Variants in MAP3K20 observed in about 807,000 individuals in gnomAD.
MAP3K20 encodes the protein HCCS-4.
In MAP3K20, 40 loss-of-function variants were observed where a neutral mutation model predicts 85.7. The ratio of observed to expected loss-of-function variants is 0.47; its 90% CI spans 0.36 to 0.61. The LOEUF (loss-of-function observed/expected upper bound fraction) is 0.61. MAP3K20 is among the 20% of genes least tolerant of loss of function. The pLI is 0.00. For synonymous variants in MAP3K20, 325 were observed against 327.7 expected (o/e 0.99, Z 0.09); for missense variants, 817 against 961.7 (o/e 0.85, Z 1.99).
chr2:173,149,731 C>G (rs75479134), intron 2 of MAP3K20, among the ~76,000 whole-genome samples: 4,094 of 152,198 alleles, frequency 0.027, 184 homozygotes, highest in African/African-American at 0.093. Flanking sequence ...TACGTCATCT[C>G]CGCGCATCCT....
intron 2 of MAP3K20, among the ~76,000 whole-genome samples, chr2:173,105,304 G>T (rs1292321384): frequency 9.9e-5 from 15 of 152,154 alleles, no homozygotes; most frequent in African/African-American, 3.6e-4. Context: ...GAGTTAACCA[G>T]ATTTGCTCAC....
At chr2:173,224,640 G>A in intron 11 of MAP3K20, 1 of 985,032 alleles carries the variant, frequency 1.0e-6, no homozygotes, top group Middle Eastern at 5.2e-4. Context: ...GCTTAAAATT[G>A]TTCTCCTCGT....
At chr2:173,223,676 T>C (rs1559288332) in intron 11 of MAP3K20, 2 of 985,400 alleles carry the variant, frequency 2.0e-6, no homozygotes, top group Non-Finnish European at 2.4e-6. Flanking sequence ...GAGGTGAGAC[T>C]AAACACAAAA....
rs573970431 is a variant in MAP3K20 at position 173,129,884 on chromosome 2, G to C, written c.159+38694G>C. Among the ~76,000 whole-genome samples, 6 of 152,250 alleles carry C rather than the reference G, an allele frequency of 3.9e-5. No individual in the cohort carries two copies. The South Asian group carries it at 1.2e-3, about 32-fold the overall frequency. On this transcript the variant is annotated intron_variant, in intron 2 of 19. Transcript: ENST00000375213. Reference sequence around the variant, plus strand: ...TACAAAAATAGAAAAAGGACATGAAGAGACATTTCACAAAAGGGTAGAGTA... The same window carrying C: ...TACAAAAATAGAAAAAGGACATGAACAGACATTTCACAAAAGGGTAGAGTA...
At chr2:173,224,674 C>T (rs1300997602) in intron 11 of MAP3K20, 1 of 985,106 alleles carries the variant, frequency 1.0e-6, no homozygotes. Flanking sequence ...TGATCATTAC[C>T]ACGTGACGTT....
At chr2:173,184,611 A>G (rs1690430119) in intron 4 of MAP3K20, among the ~76,000 whole-genome samples, 1 of 152,180 alleles carries the variant, frequency 6.6e-6, no homozygotes, top group East Asian at 1.9e-4. Context: ...AAGGAATCGA[A>G]TTAGGTAGCA....
In MAP3K20 at chr2:173,258,684, TG is replaced by T. The variant is rs768819010; in HGVS notation, c.1360-14del. The T allele has an allele frequency of 1.5e-6, 2 of 1,339,400 alleles. No individual in the cohort carries two copies. Among genetic ancestry groups the T allele is most frequent in the Non-Finnish European group, 2.0e-6 (2 of 1,001,866 alleles). 83.0% of individuals were successfully genotyped at this position (1,339,400 alleles called of 1,614,324 possible). On this transcript the variant is annotated splice_polypyrimidine_tract_variant and intron_variant, in intron 16 of 19. Coordinates refer to ENST00000375213, the MANE Select transcript of MAP3K20 (RefSeq NM_016653.3). Reference sequence around the variant, plus strand: ...TTCACTTTCTCAAATTCTGTAATTTTGTTTTTAATTCCAGGATTGTAAGTGG... The same window carrying T: ...TTCACTTTCTCAAATTCTGTAATTTTTTTTTAATTCCAGGATTGTAAGTGG...
At chr2:173,148,730 T>G (rs967452402) in intron 2 of MAP3K20, among the ~76,000 whole-genome samples, 2 of 152,236 alleles carry the variant, frequency 1.3e-5, no homozygotes, top group Non-Finnish European at 2.9e-5. Flanking sequence ...TGGGTATTTG[T>G]TATTTTGCTG....
chr2:173,258,842 C>A, intron 17 of MAP3K20, 27 bp downstream of exon 17: 3 of 1,411,050 alleles, frequency 2.1e-6, no homozygotes, highest in Admixed American at 1.7e-5. Flanking sequence ...GGCTTAAAAG[C>A]TCTTTTGAAT....
chr2:173,263,062 C>T (rs1685332564), intron 18 of MAP3K20, among the ~76,000 whole-genome samples: 1 of 152,194 alleles, frequency 6.6e-6, no homozygotes, highest in Admixed American at 6.5e-5. Flanking sequence ...ACAGATTTCC[C>T]TAACCATATT....
intron 2 of MAP3K20, among the ~76,000 whole-genome samples, chr2:173,097,507 T>G (rs1023465031): frequency 6.6e-6 from 1 of 152,236 alleles, no homozygotes; most frequent in African/African-American, 2.4e-5. Flanking sequence ...AGCCTTTATG[T>G]TAACTTGAAA....
Position 173,209,706 on chromosome 2 carries a change from ATTAC to A in MAP3K20, c.745-19_745-16del, listed in dbSNP as rs747695983. ...CTCCTTTCTTAAGTCCCAGCGAATG[ATTAC>A]TTATTTTCTCTTCTTCAGAAACGGC... On this transcript the variant is annotated intron_variant, in intron 9 of 19. Coordinates refer to ENST00000375213, the MANE Select transcript of MAP3K20 (RefSeq NM_016653.3). 62 of 1,587,444 alleles carry A rather than the reference ATTAC, an allele frequency of 3.9e-5. No individual in the cohort carries two copies. In the Admixed American group the frequency reaches 4.4e-4, roughly 11 times the overall value.
chr2:173,085,847 G>A (rs903880530), intron 1 of MAP3K20, among the ~76,000 whole-genome samples: 3 of 135,912 alleles, frequency 2.2e-5, no homozygotes, highest in Non-Finnish European at 4.6e-5. Context: ...CCAGGCTGGA[G>A]TGCAGTGGTG....
In MAP3K20 at chr2:173,188,545, G is replaced by T. The variant is rs182761820; in HGVS notation, c.415+922G>T. Among the ~76,000 whole-genome samples the T allele has an allele frequency of 1.1e-4, 16 of 152,106 alleles. No homozygotes were observed. In the East Asian group the frequency reaches 2.7e-3, roughly 26 times the overall value. On this transcript the variant is annotated intron_variant, in intron 5 of 19. Transcript: ENST00000375213. ...TGACAAGTAGTGGAAGAGAACCAGG[G>T]AATGAATCGATCAGGTACCCTTGCA...
At chr2:173,255,443 ATCTT>A (rs1287217087) in intron 16 of MAP3K20, among the ~76,000 whole-genome samples, 2 of 152,228 alleles carry the variant, frequency 1.3e-5, no homozygotes, top group Non-Finnish European at 2.9e-5. Context: ...AAGTTCTTTA[ATCTT>A]TCTGAGCCTC....
intron 1 of MAP3K20, among the ~76,000 whole-genome samples, chr2:173,076,720 C>T (rs1428158709): frequency 6.6e-6 from 1 of 152,272 alleles, no homozygotes; most frequent in African/African-American, 2.4e-5. Context: ...AGCGCCCGCC[C>T]TCTCGGGCTT....
rs191736189 is a variant in MAP3K20, at chr2:173,183,068, G to A, written c.349+113G>A. The A allele has an allele frequency of 6.3e-6, 5 of 795,642 alleles. No individual in the cohort carries two copies. In the African/African-American group the frequency reaches 9.1e-5, roughly 15 times the overall value. The allele number at this position is 795,642 out of a possible 1,614,324, so 49.3% of individuals were successfully genotyped here. On this transcript the variant is annotated intron_variant, in intron 4 of 19. Coordinates refer to ENST00000375213, the MANE Select transcript of MAP3K20 (RefSeq NM_016653.3). ...TCTGTCTTTAGATGTTCTTTTTCCA[G>A]ACCAAAAGTAGTAAGAATTCCACAG...
chr2:173,078,634 C>G (rs1686931562), intron 1 of MAP3K20, among the ~76,000 whole-genome samples: 1 of 152,188 alleles, frequency 6.6e-6, no homozygotes, highest in Non-Finnish European at 1.5e-5. Context: ...GTAATCCCAG[C>G]ACAGTAGAAG....
chr2:173,196,936 A>C (rs540572759), intron 7 of MAP3K20, among the ~76,000 whole-genome samples: 2 of 145,828 alleles, frequency 1.4e-5, no homozygotes, highest in South Asian at 4.4e-4. Flanking sequence ...TCACTGGATA[A>C]CTGACTGTCT....
Sources: gnomAD v4.1 joint callset for allele counts (sites outside exome capture counted in the v4.1 genomes callset) on GRCh38, gnomAD v4.1.1 for gene constraint, MANE v1.5 for transcripts, NCBI Gene and HGNC (gene_info 2026-07-23, HGNC 2026-07-21) for gene names.